The following GLI2 variants were observed in gnomAD, a reference collection of about 807,000 sequenced individuals.
GLI2 encodes the protein transcription activator GLI2.
GLI2 carries 22 observed loss-of-function variants against 78.9 expected under a neutral mutation model. The ratio of observed to expected loss-of-function variants is 0.28; its 90% confidence interval spans 0.20 to 0.40. The LOEUF is 0.40. GLI2 is among the 10% of genes least tolerant of loss of function. The pLI is 1.00. For missense variants in GLI2, 2,097 were observed against 2,213.2 expected (o/e 0.95, Z 1.05); for synonymous variants, 974 against 963.7 (o/e 1.01, Z -0.20).
intron 1 of GLI2, among the ~76,000 whole-genome samples, chr2:120,740,680 C>G (rs1447361354): frequency 1.3e-5 from 2 of 152,172 alleles, no homozygotes; most frequent in African/African-American, 4.8e-5. Context: ...CATTCTCTGG[C>G]CTTTTTCACA....
intron 1 of GLI2, 54 bp downstream of exon 1, chr2:120,736,339 C>G (rs1235326050): frequency 2.6e-5 from 4 of 152,036 alleles, no homozygotes; most frequent in South Asian, 4.2e-4. Context: ...GCGCCTCCCA[C>G]CTCGGCCAAG....
chr2:120,858,890 C>T (rs1279397873), intron 2 of GLI2, among the ~76,000 whole-genome samples: 1 of 152,228 alleles, frequency 6.6e-6, no homozygotes, highest in Non-Finnish European at 1.5e-5. Flanking sequence ...AGGGCAGACT[C>T]TATCCCCAGG....
At chr2:120,762,176 C>G (rs1200596237) in intron 1 of GLI2, among the ~76,000 whole-genome samples, 1 of 151,972 alleles carries the variant, frequency 6.6e-6, no homozygotes, top group Non-Finnish European at 1.5e-5. Context: ...TGATGGGTCT[C>G]CGGCTTAGGG....
chr2:120,955,843 TG>T (rs1046610510), intron 5 of GLI2, among the ~76,000 whole-genome samples: 13 of 151,084 alleles, frequency 8.6e-5, no homozygotes, highest in African/African-American at 2.9e-4. Flanking sequence ...AGTTGAAATC[TG>T]GGGGGCGAGT....
intron 5 of GLI2, among the ~76,000 whole-genome samples, chr2:120,962,931 G>A (rs771040078): frequency 2.6e-5 from 4 of 152,126 alleles, no homozygotes; most frequent in South Asian, 2.1e-4. Context: ...TCACATTACC[G>A]TATTTGCCAC....
chr2:120,878,959 A>C (rs1222426146), intron 2 of GLI2, among the ~76,000 whole-genome samples: 1 of 151,844 alleles, frequency 6.6e-6, no homozygotes, highest in Non-Finnish European at 1.5e-5. Flanking sequence ...TTCTGGCTGC[A>C]GTCCTCCAGC....
At chr2:120,796,286 T>A (rs911826951) in intron 1 of GLI2, among the ~76,000 whole-genome samples, 2 of 152,050 alleles carry the variant, frequency 1.3e-5, no homozygotes, top group Non-Finnish European at 2.9e-5. Flanking sequence ...CATGTCCATG[T>A]TTCACCAGCT....
chr2:120,925,956 C>T (rs191533538), intron 2 of GLI2, among the ~76,000 whole-genome samples: 2 of 151,388 alleles, frequency 1.3e-5, no homozygotes, highest in East Asian at 2.0e-4. Flanking sequence ...ACCTGTGGTC[C>T]CAGCTACTCG....
rs1683140003 is a variant in GLI2 at position 120,989,053 on chromosome 2, G to T, written c.3088G>T (p.Ala1030Ser). Residue 1030 changes from alanine (A) to serine (S), a missense_variant, in exon 14 of 14, where the codon GCG becomes TCG. Coordinates refer to ENST00000361492, the MANE Select transcript of GLI2 (RefSeq NM_001374353.1). ...GGCCGTGGCGGCAGGAGTGGACGGCGCGGGGCCCGAGGCCGACCTGGGGCT... is the reference window on the plus strand; with the variant it reads ...GGCCGTGGCGGCAGGAGTGGACGGCTCGGGGCCCGAGGCCGACCTGGGGCT... ...MEAVAAGVDG[A>S]GPEADLGLPE... 1 of 1,608,782 alleles carries T rather than the reference G, an allele frequency of 6.2e-7. No individual in the cohort carries two copies. Among genetic ancestry groups the T allele is most frequent in the Non-Finnish European group, 8.5e-7 (1 of 1,179,518 alleles).
chr2:120,767,932 G>C (rs955131007), intron 1 of GLI2, among the ~76,000 whole-genome samples: 2 of 152,164 alleles, frequency 1.3e-5, no homozygotes, highest in Non-Finnish European at 2.9e-5. Context: ...AGAAGGACTC[G>C]ATGCCTGGTG....
At chr2:120,862,801 C>T (rs563907049) in intron 2 of GLI2, among the ~76,000 whole-genome samples, 1 of 152,238 alleles carries the variant, frequency 6.6e-6, no homozygotes, top group East Asian at 1.9e-4. Flanking sequence ...CGGCTCAGAG[C>T]GGGGCTCCTC....
intron 2 of GLI2, among the ~76,000 whole-genome samples, chr2:120,818,156 GA>G (rs1685590628): frequency 6.6e-6 from 1 of 152,216 alleles, no homozygotes; most frequent in Non-Finnish European, 1.5e-5. Context: ...GAGGTGGTGG[GA>G]GGAGCTGGAG....
At chr2:120,972,656 C>A (rs576579605) in intron 8 of GLI2, 1 of 518,956 alleles carries the variant, frequency 1.9e-6, no homozygotes, top group South Asian at 1.4e-5. Context: ...GGGTTCCATG[C>A]CACCAGGGTT....
At chr2:120,915,419 C>G (rs770089661) in intron 2 of GLI2, among the ~76,000 whole-genome samples, 1 of 152,064 alleles carries the variant, frequency 6.6e-6, no homozygotes, top group Non-Finnish European at 1.5e-5. Flanking sequence ...TTTAGTTGCA[C>G]GTTGTGGAGT....
At chr2:120,822,429 G>C (rs1298862902) in intron 2 of GLI2, among the ~76,000 whole-genome samples, 1 of 152,194 alleles carries the variant, frequency 6.6e-6, no homozygotes, top group Non-Finnish European at 1.5e-5. Context: ...CCTGAATCCT[G>C]ACCCTCACAG....
intron 2 of GLI2, among the ~76,000 whole-genome samples, chr2:120,822,717 A>G (rs1685839236): frequency 6.6e-6 from 1 of 152,190 alleles, no homozygotes; most frequent in South Asian, 2.1e-4. Flanking sequence ...TTTCCATGCC[A>G]TACTTCCCTT....
rs761857488 is a variant in GLI2, at chr2:120,989,336, A to T, written c.3371A>T (p.Asn1124Ile). ...GCGCCCTCCAGCCTGAACAAAAATA[A>T]CATGCCTGTGCAGTGGAATGAGGTG... ...FGAPSSLNKN[N>I]MPVQWNEVSS... The change falls in exon 14 of 14, where the codon AAC becomes ATC. Residue 1124 changes from asparagine (N) to isoleucine (I), a missense_variant. Physicochemically the swap from Asn to Ile is moderately radical, Grantham distance 149 (BLOSUM62 -3). This residue lies in a region of GLI2 where 1,290 missense variants were observed against 1,261.7 expected (regional missense o/e 1.02). Transcript: ENST00000361492. 1.2e-5 allele frequency: 19 copies of T among 1,613,022 alleles called. No homozygotes were observed. The Admixed American group carries it at 3.0e-4, about 25-fold the overall frequency.
At chr2:120,888,546 A>G (rs1315200442) in intron 2 of GLI2, among the ~76,000 whole-genome samples, 1 of 152,090 alleles carries the variant, frequency 6.6e-6, no homozygotes, top group Non-Finnish European at 1.5e-5. Flanking sequence ...AGTGAGAGAC[A>G]CACAGGCCGT....
intron 3 of GLI2, among the ~76,000 whole-genome samples, chr2:120,947,705 T>C (rs1680781347): frequency 6.6e-6 from 1 of 152,172 alleles, no homozygotes; most frequent in East Asian, 1.9e-4. Context: ...ACCACCCTGG[T>C]GAGGCACCAG....
Sources: gnomAD v4.1 joint callset for allele counts (sites outside exome capture counted in the v4.1 genomes callset) on GRCh38, gnomAD v4.1.1 for gene constraint, gnomAD v4.1.1 regional missense constraint, MANE v1.5 for transcripts, NCBI Gene and HGNC (gene_info 2026-07-23, HGNC 2026-07-21) for gene names.